Variants in CAST observed in about 807,000 individuals in gnomAD.
CAST encodes the protein MIR583 host.
A neutral mutation model predicts 119.6 loss-of-function variants in CAST; 76 were observed. The ratio of observed to expected loss-of-function variants is 0.64; its 90% CI spans 0.53 to 0.77. The LOEUF (loss-of-function observed/expected upper bound fraction) is 0.77. CAST is among the 30% of genes least tolerant of loss of function. CAST has a pLI of 0.00. For synonymous variants in CAST, 319 were observed against 331.6 expected, an observed-to-expected ratio of 0.96 and a Z score of 0.41; for missense variants, 953 against 946.5, an observed-to-expected ratio of 1.01 and a Z score of -0.09.
At chr5:96,066,414 A>G in the CAST span, among the ~76,000 whole-genome samples, 1 of 148,122 alleles carries the variant, frequency 6.8e-6, no homozygotes, top group Admixed American at 6.7e-5. Context: ...TTTCTTTTTT[A>G]ATACCTCTGC....
chr5:96,624,531 G>C (rs1382968825), intron 1 of CAST, among the ~76,000 whole-genome samples: 1 of 152,132 alleles, frequency 6.6e-6, no homozygotes, highest in Non-Finnish European at 1.5e-5. Context: ...TCTAAATTGT[G>C]CTAAAATAAA....
At chr5:96,000,540 G>A in the CAST span, among the ~76,000 whole-genome samples, 25 of 152,290 alleles carry the variant, frequency 1.6e-4, no homozygotes, top group Middle Eastern at 6.8e-3. Flanking sequence ...AGATACAAAA[G>A]TGAAAGATGG....
chr5:96,300,253 T>C, the CAST span, among the ~76,000 whole-genome samples: 13 of 152,216 alleles, frequency 8.5e-5, no homozygotes, highest in African/African-American at 3.1e-4. Context: ...TTTAAGTCTT[T>C]AATCCATTTT....
the CAST span, among the ~76,000 whole-genome samples, chr5:96,330,694 T>C: frequency 6.6e-6 from 1 of 152,188 alleles, no homozygotes; most frequent in Non-Finnish European, 1.5e-5. Context: ...TCAAAGCTAA[T>C]GAAAATAAGA....
intron 1 of CAST, among the ~76,000 whole-genome samples, chr5:96,638,320 C>A (rs982810931): frequency 6.6e-6 from 1 of 152,056 alleles, no homozygotes; most frequent in Admixed American, 6.5e-5. Flanking sequence ...GCAGGAGAAT[C>A]TCATGAACCC....
intron 1 of CAST, among the ~76,000 whole-genome samples, chr5:96,617,540 G>A (rs185740080): frequency 2.0e-4 from 31 of 151,780 alleles, no homozygotes; most frequent in South Asian, 6.2e-4. Context: ...CTGTAATCCC[G>A]GCACTTTGGG....
At chr5:96,500,972 A>G in the CAST span, among the ~76,000 whole-genome samples, 1 of 152,136 alleles carries the variant, frequency 6.6e-6, no homozygotes, top group Non-Finnish European at 1.5e-5. Flanking sequence ...ATGCCTGGCT[A>G]CTCCTCCCAG....
the CAST span, among the ~76,000 whole-genome samples, chr5:96,338,924 A>G: frequency 6.6e-6 from 1 of 152,198 alleles, no homozygotes; most frequent in Non-Finnish European, 1.5e-5. Flanking sequence ...TTGTGTTGTG[A>G]CAGTGGAGGC....
the CAST span, among the ~76,000 whole-genome samples, chr5:96,034,410 TAAACATAGAACTACC>T: frequency 6.9e-6 from 1 of 145,630 alleles, no homozygotes; most frequent in Non-Finnish European, 1.5e-5. Flanking sequence ...TTTCTCAAAT[TAAACATAGAACTACC>T]ATAAGATCCA....
chr5:96,702,807 G>C (rs949547052), intron 3 of CAST: 10 of 985,496 alleles, frequency 1.0e-5, no homozygotes, highest in Non-Finnish European at 1.2e-5. Context: ...GTCGCACTCA[G>C]AGAGCTGGGC....
intron 1 of CAST, chr5:96,546,485 A>C (rs1017114336): frequency 9.9e-5 from 15 of 152,128 alleles, no homozygotes; most frequent in African/African-American, 3.6e-4. Flanking sequence ...CCCATGGTAG[A>C]GATTCTATCT....
the CAST span, chr5:96,425,983 T>A: frequency 7.1e-6 from 7 of 983,326 alleles, no homozygotes; most frequent in Non-Finnish European, 1.1e-5. Context: ...TACCTCTGTA[T>A]ACTTCCTCTA....
chr5:96,320,589 G>C, the CAST span, among the ~76,000 whole-genome samples: 43 of 152,054 alleles, frequency 2.8e-4, no homozygotes, highest in Non-Finnish European at 2.4e-4. Flanking sequence ...GATTAAATCT[G>C]ACTTAAAGGA....
At chr5:96,167,171 C>G in the CAST span, among the ~76,000 whole-genome samples, 1 of 152,020 alleles carries the variant, frequency 6.6e-6, no homozygotes, top group African/African-American at 2.4e-5. Context: ...TTAGAGTGCC[C>G]AAGGAGCTTC....
At chr5:96,055,230 G>A in the CAST span, among the ~76,000 whole-genome samples, 8 of 151,576 alleles carry the variant, frequency 5.3e-5, no homozygotes, top group Middle Eastern at 3.4e-3. Context: ...TACTCTCACC[G>A]CTCCCCCAAA....
chr5:96,009,945 A>C, the CAST span, among the ~76,000 whole-genome samples: 4 of 152,180 alleles, frequency 2.6e-5, no homozygotes, highest in African/African-American at 9.7e-5. Flanking sequence ...ATAAGTCTTC[A>C]ATCTGTCTTG....
the CAST span, chr5:96,393,385 C>A: frequency 1.2e-6 from 2 of 1,613,420 alleles, no homozygotes; most frequent in Non-Finnish European, 1.7e-6. Flanking sequence ...GCTCCTAAAA[C>A]ATAGAATGCC....
chr5:96,323,967 C>A, the CAST span, among the ~76,000 whole-genome samples: 1 of 152,170 alleles, frequency 6.6e-6, no homozygotes, highest in Non-Finnish European at 1.5e-5. Context: ...TTTCTTCTTT[C>A]CTTCTCCCTG....
intron 16 of CAST, 151 bp from the exon 17 acceptor site, chr5:96,746,191 C>T (rs753499294): frequency 2.2e-5 from 14 of 624,700 alleles, no homozygotes; most frequent in Admixed American, 2.2e-4. Flanking sequence ...TGCCCACCAT[C>T]GTCTTGTGCT....
Sources: allele counts gnomAD v4.1 joint callset (sites outside exome capture counted in the v4.1 genomes callset), GRCh38; gene constraint gnomAD v4.1.1; transcripts MANE v1.5; gene names NCBI Gene and HGNC (gene_info 2026-07-23, HGNC 2026-07-21).